The following MED13L variants were observed in gnomAD, a reference collection of about 807,000 sequenced individuals.
MED13L encodes the protein mediator of RNA polymerase II transcription subunit 13-like.
MED13L carries 7 observed loss-of-function variants against 220.9 expected under a neutral mutation model. That is an observed-to-expected ratio of 0.03 (90% CI 0.02 to 0.06). The LOEUF is 0.06. Among genes scored for constraint, MED13L ranks in the 10% least tolerant of loss-of-function variants. The probability of loss-of-function intolerance (pLI) is 1.00; values close to 1 mark genes in which losing one functional copy is unlikely to be tolerated. For synonymous variants in MED13L, 1,011 were observed against 1,015.2 expected (o/e 1.00, Z 0.08); for missense variants, 1,965 against 2,760.5 (o/e 0.71, Z 6.46).
chr12:116,060,849 T>C (rs11067896), intron 4 of MED13L, among the ~76,000 whole-genome samples: 37,722 of 151,976 alleles, frequency 0.25, 4,817 homozygotes, highest in Middle Eastern at 0.32. Flanking sequence ...TGACTTTTGC[T>C]AAATTAATTC....
chr12:116,090,324 G>C (rs1212642761), intron 4 of MED13L, among the ~76,000 whole-genome samples: 1 of 152,048 alleles, frequency 6.6e-6, no homozygotes, highest in Non-Finnish European at 1.5e-5. Flanking sequence ...TCCATTTCTT[G>C]ATCTGATTAT....
At chr12:116,152,626 C>T (rs777133113) in intron 2 of MED13L, among the ~76,000 whole-genome samples, 31 of 151,906 alleles carry the variant, frequency 2.0e-4, no homozygotes, top group Non-Finnish European at 3.4e-4. Flanking sequence ...AACCCAATGG[C>T]GTGGGGGGGA....
In MED13L at chr12:115,993,193, G is replaced by A. The variant is rs1429655593; in HGVS notation, c.2997-1236C>T. Among the ~76,000 whole-genome samples the A allele has an allele frequency of 2.0e-5, 3 of 152,210 alleles. No individual in the cohort carries two copies. In the East Asian group the frequency reaches 5.8e-4, roughly 29 times the overall value. ...TGAGCATCTTCAGATTTTGGTATCC[G>A]AGGGGGTCCTGGAATCAATCCCCCA... On this transcript the variant is annotated intron_variant, in intron 16 of 30. Transcript: ENST00000281928.
chr12:115,966,561 ACAG>A (rs1876177123), intron 28 of MED13L, among the ~76,000 whole-genome samples: 1 of 152,236 alleles, frequency 6.6e-6, no homozygotes, highest in South Asian at 2.1e-4. Flanking sequence ...ACAATCTCTG[ACAG>A]CAGAAGGCTC....
intron 2 of MED13L, among the ~76,000 whole-genome samples, chr12:116,162,823 G>A (rs969133302): frequency 4.6e-5 from 7 of 151,782 alleles, no homozygotes; most frequent in Non-Finnish European, 8.8e-5. Context: ...CTTTTACTAC[G>A]TCTTAACATT....
chr12:116,046,278 A>C (rs895717566), intron 4 of MED13L, among the ~76,000 whole-genome samples: 3 of 152,212 alleles, frequency 2.0e-5, no homozygotes, highest in Non-Finnish European at 4.4e-5. Flanking sequence ...AAAAACACAA[A>C]GATGTTTGTC....
rs752341418 is a variant in MED13L, at chr12:116,165,011, A to G, written c.311-53499T>C. Among the ~76,000 whole-genome samples, 37 of 152,360 alleles carry G rather than the reference A, an allele frequency of 2.4e-4. 2 individuals carry two copies. ...GTTTTTTGAATCAGCTTCCAAAAGC[A>G]TATCTGCAATACATGGTTAAGAATA... On this transcript the variant is annotated intron_variant, in intron 2 of 30. Coordinates refer to ENST00000281928, the MANE Select transcript of MED13L (RefSeq NM_015335.5).
At chr12:116,055,903 A>C (rs926409814) in intron 4 of MED13L, among the ~76,000 whole-genome samples, 1 of 152,126 alleles carries the variant, frequency 6.6e-6, no homozygotes, top group South Asian at 2.1e-4. Context: ...TCCAAAAAAA[A>C]AAACAAAAAG....
chr12:116,008,074 T>C (rs866478445), intron 10 of MED13L: 9 of 356,338 alleles, frequency 2.5e-5, no homozygotes, highest in Middle Eastern at 8.2e-4. Flanking sequence ...AATGTCAACA[T>C]ACAAAGAAGG....
At chr12:116,198,926 T>C (rs1439564265) in intron 2 of MED13L, among the ~76,000 whole-genome samples, 6 of 152,168 alleles carry the variant, frequency 3.9e-5, no homozygotes, top group Non-Finnish European at 4.4e-5. Context: ...CAGAGTACAA[T>C]TACACAAAGT....
At chr12:116,063,627 A>G (rs1869689783) in intron 4 of MED13L, among the ~76,000 whole-genome samples, 1 of 152,212 alleles carries the variant, frequency 6.6e-6, no homozygotes, top group South Asian at 2.1e-4. Context: ...ACTCTCACTG[A>G]CCTAGATAAA....
intron 4 of MED13L, among the ~76,000 whole-genome samples, chr12:116,068,371 T>C (rs1008198882): frequency 5.3e-5 from 8 of 152,234 alleles, no homozygotes; most frequent in Non-Finnish European, 1.2e-4. Flanking sequence ...TACGAATTTA[T>C]TGATAATATG....
chr12:116,260,356 T>G (rs2138554528), intron 1 of MED13L, among the ~76,000 whole-genome samples: 1 of 152,260 alleles, frequency 6.6e-6, no homozygotes, highest in African/African-American at 2.4e-5. Context: ...AGCGCATATG[T>G]CCATTTTAGC....
At chr12:116,232,709 T>C (rs1869680424) in intron 2 of MED13L, among the ~76,000 whole-genome samples, 1 of 152,234 alleles carries the variant, frequency 6.6e-6, no homozygotes, top group East Asian at 1.9e-4. Context: ...TTGCTCTCTG[T>C]ACTATTTTGG....
intron 4 of MED13L, among the ~76,000 whole-genome samples, chr12:116,069,598 T>G (rs1215640888): frequency 6.6e-6 from 1 of 152,194 alleles, no homozygotes; most frequent in African/African-American, 2.4e-5. Context: ...ATTTGTAGTA[T>G]TTTGTGAATA....
chr12:116,010,083 T>C (rs917188011), intron 9 of MED13L, among the ~76,000 whole-genome samples: 4 of 152,152 alleles, frequency 2.6e-5, no homozygotes, highest in Admixed American at 6.5e-5. Context: ...TTGTGGGGCA[T>C]AATGGGATGG....
chr12:116,005,823 C>A, intron 13 of MED13L, 46 bp downstream of exon 13: 3 of 1,611,128 alleles, frequency 1.9e-6, no homozygotes, highest in Non-Finnish European at 2.5e-6. Context: ...ATATAAAGTC[C>A]TTTCATGTAG....
chr12:116,231,125 G>A (rs1049683815), intron 2 of MED13L, among the ~76,000 whole-genome samples: 3 of 152,084 alleles, frequency 2.0e-5, no homozygotes, highest in African/African-American at 4.8e-5. Flanking sequence ...AGGTGATTCC[G>A]GAATTTTTCG....
At position 116,175,131 on chromosome 12, in the gene MED13L, A is replaced by G. The variant is rs571956715; in HGVS notation, c.310+62337T>C. ...TGTTAGCTGCTGTCTCTGCCAAAAA[A>G]TAATTTAAGAAAAAAAAGAGTATTA... On this transcript the variant is annotated intron_variant, in intron 2 of 30. Transcript: ENST00000281928. Among the ~76,000 whole-genome samples the G allele has an allele frequency of 3.9e-5, 6 of 152,316 alleles. No homozygotes were observed. In the South Asian group the frequency reaches 1.2e-3, roughly 32 times the overall value.
Sources: gnomAD v4.1 joint callset for allele counts (sites outside exome capture counted in the v4.1 genomes callset) on GRCh38, gnomAD v4.1.1 for gene constraint, MANE v1.5 for transcripts, NCBI Gene and HGNC (gene_info 2026-07-23, HGNC 2026-07-21) for gene names.